The following SCML4 variants were observed in gnomAD, a reference collection of about 807,000 sequenced individuals.
SCML4 encodes the protein sex comb on midleg-like protein 4.
SCML4 carries 34 observed loss-of-function variants against 41.1 expected under a neutral mutation model. The ratio of observed to expected loss-of-function variants is 0.83; its 90% CI spans 0.63 to 1.10. SCML4 has a LOEUF of 1.10. SCML4 is among the 50% of genes least tolerant of loss of function. SCML4 has a pLI of 0.00. For synonymous variants in SCML4, 214 were observed against 220.9 expected (o/e 0.97, Z 0.28); for missense variants, 522 against 534.1 (o/e 0.98, Z 0.22).
rs1168482286 is a variant in SCML4 at position 107,726,743 on chromosome 6, GAGTC to G, written c.683-5754_683-5751del. Among the ~76,000 whole-genome samples the G allele has an allele frequency of 2.0e-5, 3 of 152,062 alleles. No individual in the cohort carries two copies. In the East Asian group the frequency reaches 5.8e-4, roughly 29 times the overall value. The stretch of plus-strand genomic sequence containing the variant: ...ACCCACTAGGAAGGTGATAATCAAA[GAGTC>G]AGATAACAAGTGTTGGTGATACCAT... On this transcript the variant is annotated intron_variant, in intron 5 of 7. Coordinates refer to ENST00000369020, the MANE Select transcript of SCML4 (RefSeq NM_198081.5).
chr6:107,725,176 T>C (rs1488717167), intron 5 of SCML4, among the ~76,000 whole-genome samples: 4 of 152,166 alleles, frequency 2.6e-5, no homozygotes, highest in East Asian at 1.9e-4. Context: ...CATTTGAAAA[T>C]AGCTAGAAAA....
At chr6:107,782,472 C>T (rs893567178) in intron 1 of SCML4, among the ~76,000 whole-genome samples, 13 of 152,338 alleles carry the variant, frequency 8.5e-5, no homozygotes, top group South Asian at 2.1e-4. Flanking sequence ...AAATCAAGTC[C>T]CACATTAACA....
chr6:107,840,881 T>C, the SCML4 span, among the ~76,000 whole-genome samples: 22 of 152,150 alleles, frequency 1.4e-4, no homozygotes, highest in African/African-American at 5.1e-4. Flanking sequence ...TCATCTACCA[T>C]GCATAGCAGA....
chr6:107,734,455 T>C (rs1776858631), intron 5 of SCML4, among the ~76,000 whole-genome samples: 1 of 152,216 alleles, frequency 6.6e-6, no homozygotes, highest in South Asian at 2.1e-4. Flanking sequence ...AATAACTTCC[T>C]CGGTATCTAC....
intron 5 of SCML4, among the ~76,000 whole-genome samples, chr6:107,728,701 A>C (rs1477834635): frequency 6.6e-6 from 1 of 152,192 alleles, no homozygotes; most frequent in Non-Finnish European, 1.5e-5. Context: ...CTGTGATCCA[A>C]ATGAATTATC....
intron 2 of SCML4, among the ~76,000 whole-genome samples, chr6:107,757,739 C>T (rs547562174): frequency 6.6e-6 from 1 of 152,270 alleles, no homozygotes; most frequent in East Asian, 1.9e-4. Flanking sequence ...AGTTAATTGT[C>T]ATTATTGGTG....
chr6:107,829,757 T>C, the SCML4 span, among the ~76,000 whole-genome samples: 3 of 128,194 alleles, frequency 2.3e-5, no homozygotes, highest in Admixed American at 1.6e-4. Flanking sequence ...GTAAAATAAA[T>C]AAACAAACAA....
intron 1 of SCML4, among the ~76,000 whole-genome samples, chr6:107,777,365 C>T (rs1348306068): frequency 6.6e-6 from 1 of 152,138 alleles, no homozygotes; most frequent in African/African-American, 2.4e-5. Flanking sequence ...ATCTGCCCAC[C>T]TCGGCCTCCC....
At chr6:107,838,150 C>T in the SCML4 span, among the ~76,000 whole-genome samples, 4 of 152,186 alleles carry the variant, frequency 2.6e-5, no homozygotes, top group East Asian at 3.9e-4. Flanking sequence ...TCAGGTGATC[C>T]ACCCACCTTG....
At chr6:107,841,550 T>C in the SCML4 span, among the ~76,000 whole-genome samples, 1 of 152,218 alleles carries the variant, frequency 6.6e-6, no homozygotes, top group Non-Finnish European at 1.5e-5. Flanking sequence ...ATCCAGGCAG[T>C]AATCTGGCAG....
intron 5 of SCML4, among the ~76,000 whole-genome samples, chr6:107,728,766 G>C (rs1048543666): frequency 6.6e-6 from 1 of 152,168 alleles, no homozygotes; most frequent in South Asian, 2.1e-4. Flanking sequence ...CCCAGGCAAA[G>C]GATGTGCTGG....
intron 2 of SCML4, among the ~76,000 whole-genome samples, chr6:107,759,487 G>C (rs1013887447): frequency 5.3e-5 from 8 of 152,164 alleles, no homozygotes; most frequent in African/African-American, 1.7e-4. Context: ...GGTGGAAGTA[G>C]GGAGGTGGAA....
intron 5 of SCML4, among the ~76,000 whole-genome samples, chr6:107,724,456 T>A (rs1273783078): frequency 6.6e-6 from 1 of 152,166 alleles, no homozygotes; most frequent in Non-Finnish European, 1.5e-5. Context: ...ACAAGATCAA[T>A]GTGCAAAAAT....
chr6:107,807,789 G>A (rs949744415), intron 1 of SCML4, among the ~76,000 whole-genome samples: 11 of 152,204 alleles, frequency 7.2e-5, no homozygotes, highest in Non-Finnish European at 1.0e-4. Context: ...CCCAGCCGAA[G>A]ACAATCCATT....
upstream of SCML4, among the ~76,000 whole-genome samples, chr6:107,826,309 G>GA (rs1229637785): frequency 1.3e-5 from 2 of 149,902 alleles, no homozygotes; most frequent in Non-Finnish European, 3.0e-5. Flanking sequence ...AAAAGAAAAA[G>GA]AAGAAAAGAA....
At chr6:107,756,952 A>G (rs1351134045) in intron 2 of SCML4, among the ~76,000 whole-genome samples, 1 of 152,124 alleles carries the variant, frequency 6.6e-6, no homozygotes, top group Non-Finnish European at 1.5e-5. Flanking sequence ...CCCTGCCCAA[A>G]TGCTAGTGCA....
chr6:107,793,923 A>T (rs976336473), intron 1 of SCML4, among the ~76,000 whole-genome samples: 1 of 152,216 alleles, frequency 6.6e-6, no homozygotes, highest in African/African-American at 2.4e-5. Context: ...TGGGCGACAG[A>T]GTGTGAGACC....
In SCML4 at chr6:107,730,983, G is replaced by C. The variant is rs997752875; in HGVS notation, c.683-9990C>G. Among the ~76,000 whole-genome samples the C allele has an allele frequency of 3.3e-5, 5 of 152,262 alleles. No individual in the cohort carries two copies. The South Asian group carries it at 6.2e-4, about 19-fold the overall frequency. The stretch of plus-strand genomic sequence containing the variant: ...TTGCTGAAGCCTGGGGTGGAGATAG[G>C]GTTAGGTAATGCCCCTGCATCCATG... On this transcript the variant is annotated intron_variant, in intron 5 of 7. Transcript: ENST00000369020.
At chr6:107,767,695 C>T (rs1272201215) in intron 2 of SCML4, among the ~76,000 whole-genome samples, 2 of 152,210 alleles carry the variant, frequency 1.3e-5, no homozygotes, top group African/African-American at 4.8e-5. Flanking sequence ...CTCCTTTCTC[C>T]CTTTAATAGT....
Sources: gnomAD v4.1 joint callset for allele counts (sites outside exome capture counted in the v4.1 genomes callset) on GRCh38, gnomAD v4.1.1 for gene constraint, MANE v1.5 for transcripts, NCBI Gene and HGNC (gene_info 2026-07-23, HGNC 2026-07-21) for gene names.